Variants in MBOAT2 observed in about 807,000 individuals in gnomAD.
MBOAT2 encodes membrane-bound glycerophospholipid O-acyltransferase 2.
A neutral mutation model predicts 63.4 loss-of-function variants in MBOAT2; 28 were observed. The observed-to-expected ratio is 0.44, with a 90% confidence interval of 0.33 to 0.61. The LOEUF (loss-of-function observed/expected upper bound fraction) is 0.61, where lower values mean the gene tolerates loss of function less well. Among genes scored for constraint, MBOAT2 ranks in the 20% least tolerant of loss-of-function variants. The pLI is 0.03. For missense variants in MBOAT2, 470 were observed against 605.8 expected (o/e 0.78, Z 2.35); for synonymous variants, 211 against 215.6 (o/e 0.98, Z 0.19).
intron 3 of MBOAT2, among the ~76,000 whole-genome samples, chr2:8,916,467 A>G (rs1003007659): frequency 3.9e-5 from 6 of 152,238 alleles, no homozygotes; most frequent in African/African-American, 1.2e-4. Context: ...ATATCTGTTC[A>G]CTTACGTGTT....
In MBOAT2 at chr2:8,978,657, C is replaced by T. The variant is rs960701470; in HGVS notation, c.76-20015G>A. Among the ~76,000 whole-genome samples the T allele has an allele frequency of 5.5e-4, 83 of 151,932 alleles. 1 individual carries two copies. The highest frequency in any genetic ancestry group is 1.8e-3 in the African/African-American group (74 of 41,390). ...GGAGGGGAAAAACACACACTGGGGC[C>T]AGTCAGGGGGTGGGGAGTGAGCGGA... On this transcript the variant is annotated intron_variant, in intron 1 of 12. Coordinates refer to ENST00000305997, the MANE Select transcript of MBOAT2 (RefSeq NM_138799.4).
rs1572996923 is a variant in MBOAT2 at position 8,898,967 on chromosome 2, G to C, written c.395+9654C>G. 2.0e-5 allele frequency among the ~76,000 whole-genome samples: 3 copies of C among 152,302 alleles called. No homozygotes were observed. The East Asian group carries it at 5.8e-4, about 29-fold the overall frequency. On this transcript the variant is annotated intron_variant, in intron 4 of 12. Transcript: ENST00000305997. ...TTCGGTTTTTGTACTCCTAGAATTG[G>C]GGTGTTGCAGGGACTGCTGCATTTC...
chr2:8,986,649 A>G (rs148265833), intron 1 of MBOAT2, among the ~76,000 whole-genome samples: 3 of 152,212 alleles, frequency 2.0e-5, no homozygotes, highest in African/African-American at 7.2e-5. Context: ...TTTCCCCCCA[A>G]AATTCATATG....
chr2:8,936,611 G>A (rs903864628), intron 3 of MBOAT2, among the ~76,000 whole-genome samples: 7 of 151,760 alleles, frequency 4.6e-5, no homozygotes, highest in Admixed American at 1.3e-4. Context: ...GTGAAACCCC[G>A]TCTCTACTAA....
At chr2:8,874,069 G>C (rs1156806553) in intron 7 of MBOAT2, among the ~76,000 whole-genome samples, 1 of 152,200 alleles carries the variant, frequency 6.6e-6, no homozygotes, top group Non-Finnish European at 1.5e-5. Context: ...AAAATATCTG[G>C]ATTTAGAAGT....
chr2:8,993,835 C>T (rs1172580223), intron 1 of MBOAT2, among the ~76,000 whole-genome samples: 1 of 152,188 alleles, frequency 6.6e-6, no homozygotes, highest in Non-Finnish European at 1.5e-5. Flanking sequence ...TGACAGAGAA[C>T]ACTCTCCTAG....
At chr2:8,997,035 C>T (rs1460065248) in intron 1 of MBOAT2, among the ~76,000 whole-genome samples, 3 of 152,122 alleles carry the variant, frequency 2.0e-5, no homozygotes, top group Non-Finnish European at 4.4e-5. Flanking sequence ...GTGCCTGTTC[C>T]GATCTCCTGA....
chr2:8,864,016 G>T (rs981405655), intron 10 of MBOAT2, among the ~76,000 whole-genome samples, 154 bp downstream of exon 10: 2 of 152,216 alleles, frequency 1.3e-5, no homozygotes, highest in Non-Finnish European at 2.9e-5. Flanking sequence ...ATACTGACTT[G>T]CTTAGGAGGA....
At position 8,862,810 on chromosome 2, in the gene MBOAT2, C is replaced by T; in HGVS notation, c.1053-88G>A. 1 of 1,469,514 alleles carries T rather than the reference C, an allele frequency of 6.8e-7. No individual in the cohort carries two copies. The highest frequency in any genetic ancestry group is 9.1e-7 in the Non-Finnish European group (1 of 1,097,582). 91.0% of individuals were successfully genotyped at this position (1,469,514 alleles called of 1,614,324 possible). On this transcript the variant is annotated intron_variant, in intron 10 of 12. Coordinates refer to ENST00000305997, the MANE Select transcript of MBOAT2 (RefSeq NM_138799.4). This position sits in a 1 kb window ranked among gnomAD's most constrained non-coding sequence, Gnocchi z 4.3. ...CAATGATCATTCTTTTATTACCTGA[C>T]AGGATTTAGGGTAACTAGAAAAACA...
intron 3 of MBOAT2, among the ~76,000 whole-genome samples, chr2:8,917,927 G>C (rs1049270984): frequency 6.6e-6 from 1 of 152,210 alleles, no homozygotes; most frequent in African/African-American, 2.4e-5. Context: ...CAACAGGGAT[G>C]AGTTTTTTAA....
In MBOAT2 at chr2:8,943,466, A is replaced by G. The variant is rs547698237; in HGVS notation, c.222-202T>C. Among the ~76,000 whole-genome samples, 19 of 152,364 alleles carry G rather than the reference A, an allele frequency of 1.2e-4. No homozygotes were observed. The South Asian group carries it at 3.7e-3, about 30-fold the overall frequency. ...CAGGCTCCAGAAGAGCTGGGGGGAA[A>G]AAACAAGGCCTAAAGCCATGCCCAG... is the stretch of plus-strand genomic sequence containing the variant. On this transcript the variant is annotated intron_variant, in intron 2 of 12. Coordinates refer to ENST00000305997, the MANE Select transcript of MBOAT2 (RefSeq NM_138799.4).
chr2:8,896,614 CTATTAA>C (rs1463143104), intron 4 of MBOAT2, among the ~76,000 whole-genome samples: 2 of 152,162 alleles, frequency 1.3e-5, no homozygotes, highest in Non-Finnish European at 2.9e-5. Flanking sequence ...TTTTTCTTTG[CTATTAA>C]TAAGACCTTG....
chr2:8,950,163 G>A (rs934036004), intron 2 of MBOAT2, among the ~76,000 whole-genome samples: 15 of 151,900 alleles, frequency 9.9e-5, no homozygotes, highest in Admixed American at 7.2e-4. Context: ...TCTATACATC[G>A]ATCTTGTAGC....
chr2:8,950,081 T>C (rs1281983402), intron 2 of MBOAT2, among the ~76,000 whole-genome samples: 1 of 152,198 alleles, frequency 6.6e-6, no homozygotes, highest in Non-Finnish European at 1.5e-5. Context: ...TGTGTGGCTA[T>C]TGCAAATGAG....
chr2:8,946,694 C>T (rs1424340053), intron 2 of MBOAT2, among the ~76,000 whole-genome samples: 2 of 152,092 alleles, frequency 1.3e-5, no homozygotes, highest in Admixed American at 6.5e-5. Context: ...CTGTGATCAG[C>T]GATCTTTGAT....
chr2:8,996,846 G>A (rs550470098), intron 1 of MBOAT2, among the ~76,000 whole-genome samples: 4 of 152,308 alleles, frequency 2.6e-5, no homozygotes, highest in South Asian at 2.1e-4. Flanking sequence ...TGAATGATAC[G>A]TATAACATTA....
At position 8,858,861 on chromosome 2, in the gene MBOAT2, A is replaced by G; in HGVS notation, c.1381T>C (p.Leu461=). 6.2e-7 allele frequency: 1 copy of G among 1,613,610 alleles called. No individual in the cohort carries two copies. Among genetic ancestry groups the G allele is most frequent in the African/African-American group, 1.3e-5 (1 of 75,044 alleles). ...CLHILGILVL[L]LLPVKKTQRR... ...TGAGTTTTTTTCACTGGCAACAACA[A>G]TAATACTAAGATACCAAGAATGTGC... The change falls in exon 13 of 13, where the codon TTG becomes CTG. Residue 461 remains leucine, a synonymous_variant. Coordinates refer to ENST00000305997, the MANE Select transcript of MBOAT2 (RefSeq NM_138799.4).
intron 1 of MBOAT2, among the ~76,000 whole-genome samples, chr2:8,965,540 TA>T (rs1227323211): frequency 6.6e-6 from 1 of 152,194 alleles, no homozygotes; most frequent in Non-Finnish European, 1.5e-5. Flanking sequence ...AACATGTGGT[TA>T]AAAAATACAA....
intron 3 of MBOAT2, among the ~76,000 whole-genome samples, chr2:8,936,832 G>A (rs1220738221): frequency 1.5e-3 from 198 of 131,688 alleles, no homozygotes; most frequent in African/African-American, 5.7e-3. Flanking sequence ...GAAAAAAAAA[G>A]AAAGAAAGAA....
Sources: gnomAD v4.1 joint callset for allele counts (sites outside exome capture counted in the v4.1 genomes callset) on GRCh38, gnomAD v4.1.1 for gene constraint, Gnocchi (gnomAD v3.1) non-coding constraint, MANE v1.5 for transcripts, NCBI Gene and HGNC (gene_info 2026-07-23, HGNC 2026-07-21) for gene names.